PLD1: variants seen among roughly 807,000 people sequenced by gnomAD.
PLD1 encodes phospholipase D1, also known as choline phosphatase 1.
PLD1 carries 112 observed loss-of-function variants against 137.1 expected under a neutral mutation model. The observed-to-expected ratio is 0.82, with a 90% CI of 0.70 to 0.96. The LOEUF is 0.96. Ranked by LOEUF, PLD1 falls within the 40% of genes least tolerant of loss-of-function variation. PLD1 has a pLI of 0.00. For synonymous variants in PLD1, 431 were observed against 454.7 expected, an observed-to-expected ratio of 0.95 and a Z score of 0.66; for missense variants, 1,321 against 1,342.0, an observed-to-expected ratio of 0.98 and a Z score of 0.24.
intron 1 of PLD1, among the ~76,000 whole-genome samples, chr3:171,743,374 C>A (rs945364422): frequency 1.3e-5 from 2 of 152,230 alleles, no homozygotes; most frequent in African/African-American, 2.4e-5. Context: ...GTCATTCAAC[C>A]AGTCCTGAAA....
chr3:171,794,956 G>A (rs190683014), intron 1 of PLD1, among the ~76,000 whole-genome samples: 1 of 152,192 alleles, frequency 6.6e-6, no homozygotes, highest in Non-Finnish European at 1.5e-5. Flanking sequence ...CACATCTTTT[G>A]TATCAGTACA....
intron 13 of PLD1, among the ~76,000 whole-genome samples, chr3:171,689,444 A>G (rs1209724277): frequency 6.6e-6 from 1 of 152,134 alleles, no homozygotes; most frequent in Non-Finnish European, 1.5e-5. Context: ...AGGTAAAAAG[A>G]TTACAAAAGC....
intron 19 of PLD1, among the ~76,000 whole-genome samples, chr3:171,673,211 C>T (rs1046069927): frequency 2.6e-5 from 4 of 151,742 alleles, no homozygotes; most frequent in African/African-American, 9.7e-5. Flanking sequence ...ATCTCTATGC[C>T]TCTGAGTTTA....
At position 171,676,808 on chromosome 3, in the gene PLD1, G is replaced by T; in HGVS notation, c.2022C>A (p.Pro674=). 1 of 1,614,084 alleles carries T rather than the reference G, an allele frequency of 6.2e-7. No homozygotes were observed. The highest frequency in any genetic ancestry group is 8.5e-7 in the Non-Finnish European group (1 of 1,179,910). ...AGGCAATGTCATGCCAGGGCATCCG[G>T]GGCGTGGAGTACCTGTCAATGAAAT... is the stretch of plus-strand genomic sequence containing the variant. The part of the protein sequence containing the change: ...FADFIDRYST[P]RMPWHDIASA... Residue 674 remains proline, a synonymous_variant, in exon 18 of 27, where the codon CCC becomes CCA. Transcript: ENST00000351298.
chr3:171,612,290 T>A lies in PLD1; in HGVS notation c.2871A>T (p.Leu957=). ...TTTGGCGGACTGACCTAAAGCACTG[T>A]AGCCGAAGTCCTCGGGCAAACCGGC... ...QAGRFARGLR[L]QCFRVVLGYL... The change falls in exon 25 of 27, where the codon CTA becomes CTT. Residue 957 remains leucine, a synonymous_variant. Coordinates refer to ENST00000351298, the MANE Select transcript of PLD1 (RefSeq NM_002662.5). This position sits in a 1 kb window ranked among gnomAD's most constrained non-coding sequence, Gnocchi z 4.1. 6.2e-7 allele frequency: 1 copy of A among 1,614,076 alleles called. No individual in the cohort carries two copies. Among genetic ancestry groups the A allele is most frequent in the Non-Finnish European group, 8.5e-7 (1 of 1,179,916 alleles).
At chr3:171,611,542 CCAG>C in intron 25 of PLD1, 2 of 515,808 alleles carry the variant, frequency 3.9e-6, no homozygotes, top group Non-Finnish European at 7.7e-6. Flanking sequence ...GCTTCCTAGC[CCAG>C]TATTCTCTCT....
Position 171,709,662 on chromosome 3 carries a change from C to T in PLD1, c.959G>A (p.Gly320Glu). ...CTGGATGAATTCTTCTATAGCCCCT[C>T]CCCACCACCGAGCATGTCTATAGCT... ...CNSYRHARWW[G>E]GAIEEFIQKH... Residue 320 changes from glycine to glutamate, a missense_variant, in exon 10 of 27, where the codon GGA becomes GAA. By Grantham distance (98) the Gly-to-Glu change is moderately conservative. Transcript: ENST00000351298. 6.2e-7 allele frequency: 1 copy of T among 1,613,976 alleles called. No individual in the cohort carries two copies. Among genetic ancestry groups the T allele is most frequent in the Non-Finnish European group, 8.5e-7 (1 of 1,179,906 alleles).
At chr3:171,776,211 C>T (rs1183496762) in intron 1 of PLD1, among the ~76,000 whole-genome samples, 3 of 152,116 alleles carry the variant, frequency 2.0e-5, no homozygotes, top group Non-Finnish European at 2.9e-5. Flanking sequence ...AGTGCTGCAG[C>T]GGACGGTGGT....
intron 15 of PLD1, among the ~76,000 whole-genome samples, 177 bp from the exon 16 acceptor site, chr3:171,686,975 A>G (rs1714628286): frequency 6.6e-6 from 1 of 152,258 alleles, no homozygotes; most frequent in South Asian, 2.1e-4. Flanking sequence ...AATTTACAAG[A>G]TGTAGAAAGT....
intron 11 of PLD1, among the ~76,000 whole-genome samples, chr3:171,707,951 G>A (rs575658236): frequency 2.0e-5 from 3 of 152,310 alleles, no homozygotes; most frequent in Non-Finnish European, 4.4e-5. Context: ...AAATTATGAT[G>A]ATATATTAAC....
At chr3:171,626,153 T>C (rs2108313120) in intron 23 of PLD1, among the ~76,000 whole-genome samples, 1 of 152,224 alleles carries the variant, frequency 6.6e-6, no homozygotes, top group African/African-American at 2.4e-5. Context: ...AGAGAAGTGC[T>C]TAAAGGAGCT....
chr3:171,734,207 T>C (rs1044617431), intron 5 of PLD1, among the ~76,000 whole-genome samples: 5 of 152,246 alleles, frequency 3.3e-5, no homozygotes, highest in African/African-American at 4.8e-5. Flanking sequence ...ACAAAGATTT[T>C]AAACAAGATG....
chr3:171,722,162 C>T (rs1439134286), intron 8 of PLD1, among the ~76,000 whole-genome samples: 1 of 152,072 alleles, frequency 6.6e-6, no homozygotes, highest in African/African-American at 2.4e-5. Context: ...CTATTATGTG[C>T]CAAACTTGGG....
At chr3:171,699,902 C>T (rs1716091282) in intron 11 of PLD1, 76 bp from the exon 12 acceptor site, 6 of 1,129,530 alleles carry the variant, frequency 5.3e-6, no homozygotes, top group Non-Finnish European at 8.0e-6. Context: ...GAAGCAAAGG[C>T]AATTTCAGCC....
intron 24 of PLD1, 82 bp downstream of exon 24, chr3:171,620,304 T>C (rs1308521525): frequency 3.1e-6 from 3 of 965,894 alleles, no homozygotes; most frequent in Non-Finnish European, 3.0e-6. Context: ...AAAGGATGCT[T>C]AGGAGGAATA....
rs930666595 is a variant in PLD1, at chr3:171,713,920, T to G, written c.884A>C (p.Tyr295Ser). The change falls in exon 9 of 27, where the codon TAT (tyrosine) becomes TCT (serine). Residue 295 changes from tyrosine to serine, a missense_variant. Physicochemically the swap from Tyr to Ser is moderately radical, Grantham distance 144. Transcript: ENST00000351298. ...TGAAAGATTATCAATTCGGATTCCA[T>G]ATTTCGTTTCTGTCTCCTTCTTCCC... ...KVGKKETETK[Y>S]GIRIDNLSRT... The G allele has an allele frequency of 2.5e-6, 4 of 1,613,234 alleles. No individual in the cohort carries two copies. In the East Asian group the frequency reaches 6.7e-5, roughly 27 times the overall value.
At chr3:171,711,451 G>T (rs912464624) in intron 9 of PLD1, among the ~76,000 whole-genome samples, 6 of 152,030 alleles carry the variant, frequency 3.9e-5, no homozygotes, top group Admixed American at 3.9e-4. Flanking sequence ...TTATAGGCGT[G>T]AGCCACCGCA....
At chr3:171,722,807 C>T (rs1348879967) in intron 8 of PLD1, among the ~76,000 whole-genome samples, 1 of 152,002 alleles carries the variant, frequency 6.6e-6, no homozygotes, top group Non-Finnish European at 1.5e-5. Context: ...TTTTCATCAC[C>T]CCATAAAGAA....
chr3:171,809,836 T>A (rs1236767309), intron 1 of PLD1: 2 of 152,596 alleles, frequency 1.3e-5, no homozygotes, highest in African/African-American at 4.8e-5. Context: ...CCCGGCCCCC[T>A]CGCCCCACCT....
Sources: gnomAD v4.1 joint callset for allele counts (sites outside exome capture counted in the v4.1 genomes callset) on GRCh38, gnomAD v4.1.1 for gene constraint, Gnocchi (gnomAD v3.1) non-coding constraint, MANE v1.5 for transcripts, NCBI Gene and HGNC (gene_info 2026-07-23, HGNC 2026-07-21) for gene names.